Variants in PRUNE2 observed in about 807,000 individuals in gnomAD.
PRUNE2 encodes prune homolog 2 with BCH domain.
A neutral mutation model predicts 252.0 loss-of-function variants in PRUNE2; 164 were observed. The ratio of observed to expected loss-of-function variants is 0.65; its 90% CI spans 0.57 to 0.74. PRUNE2 has a LOEUF of 0.74. Ranked by LOEUF, PRUNE2 falls within the 30% of genes least tolerant of loss-of-function variation. The pLI, the probability that PRUNE2 is intolerant of heterozygous loss-of-function variation, is 0.00. For synonymous variants in PRUNE2, 1,292 were observed against 1,350.2 expected, an observed-to-expected ratio of 0.96 and a Z score of 0.94; for missense variants, 3,495 against 3,711.0, an observed-to-expected ratio of 0.94 and a Z score of 1.51.
intron 9 of PRUNE2, among the ~76,000 whole-genome samples, chr9:76,686,538 C>T (rs192687807): frequency 5.1e-4 from 77 of 152,260 alleles, no homozygotes; most frequent in Non-Finnish European, 9.0e-4. Flanking sequence ...TCACTGCAGC[C>T]GTGACTTCCC....
rs1738062767 is a variant in PRUNE2, at chr9:76,611,923, G to A, written c.*2647C>T. The A allele has an allele frequency of 6.6e-6, 1 of 152,638 alleles. No homozygotes were observed. The highest frequency in any genetic ancestry group is 6.5e-5 in the Admixed American group (1 of 15,282). The allele number at this position is 152,638 out of a possible 1,614,324, so 9.5% of individuals were successfully genotyped here. The stretch of plus-strand genomic sequence containing the variant: ...TTCCCTTAACTACAGATCTATAGGA[G>A]AAATGCAAAGCAGTTCCCAGAAGTC... On this transcript the variant is annotated 3_prime_UTR_variant, in exon 19 of 19. Coordinates refer to ENST00000376718, the MANE Select transcript of PRUNE2 (RefSeq NM_015225.3).
chr9:76,900,618 C>G (rs1039040208), intron 1 of PRUNE2, among the ~76,000 whole-genome samples: 1 of 152,166 alleles, frequency 6.6e-6, no homozygotes. Context: ...TCAGCCCTCC[C>G]CAGTTTCCTT....
At chr9:76,827,097 A>T (rs1251662955) in intron 4 of PRUNE2, among the ~76,000 whole-genome samples, 3 of 152,202 alleles carry the variant, frequency 2.0e-5, no homozygotes, top group Non-Finnish European at 4.4e-5. Flanking sequence ...ACTATTTAAA[A>T]GTCTAATCAG....
At chr9:76,696,291 C>G (rs1220074688) in intron 9 of PRUNE2, among the ~76,000 whole-genome samples, 1 of 152,180 alleles carries the variant, frequency 6.6e-6, no homozygotes, top group African/African-American at 2.4e-5. Context: ...AGGAACATCT[C>G]AGGACAGTTT....
chr9:76,681,837 C>A (rs1389385900), intron 9 of PRUNE2, among the ~76,000 whole-genome samples: 3 of 152,146 alleles, frequency 2.0e-5, no homozygotes, highest in African/African-American at 7.2e-5. Flanking sequence ...TCAGGGAATT[C>A]TTATCAGCTA....
intron 1 of PRUNE2, among the ~76,000 whole-genome samples, chr9:76,900,312 T>A (rs1312172669): frequency 6.6e-6 from 1 of 152,208 alleles, no homozygotes; most frequent in East Asian, 1.9e-4. Flanking sequence ...CAAAGCTGTG[T>A]TTATCAGCTT....
At chr9:76,651,819 T>C (rs1294235513) in intron 11 of PRUNE2, 1 of 152,192 alleles carries the variant, frequency 6.6e-6, no homozygotes, top group Non-Finnish European at 1.5e-5. Context: ...GGATCAAATA[T>C]AAAGTCCTTG....
In PRUNE2 at chr9:76,693,222, T is replaced by C. The variant is rs180962643; in HGVS notation, c.8276+10115A>G. On this transcript the variant is annotated intron_variant, in intron 9 of 18. Coordinates refer to ENST00000376718, the MANE Select transcript of PRUNE2 (RefSeq NM_015225.3). Reference sequence around the variant, plus strand: ...TATTATCAGATAAACCAAAGACTTCTAGCAAAATGTCAATTTGGGAAATAA... The same window carrying C: ...TATTATCAGATAAACCAAAGACTTCCAGCAAAATGTCAATTTGGGAAATAA... 4.3e-3 allele frequency among the ~76,000 whole-genome samples: 656 copies of C among 152,112 alleles called. 4 individuals carry two copies. The highest frequency in any genetic ancestry group is 0.015 in the African/African-American group (626 of 41,446).
intron 6 of PRUNE2, chr9:76,785,910 C>A (rs944209699): frequency 6.6e-6 from 1 of 152,122 alleles, no homozygotes; most frequent in Non-Finnish European, 1.5e-5. Context: ...CATCTGTTAA[C>A]ATAAAAAAAG....
At chr9:76,753,696 C>T (rs917077592) in intron 6 of PRUNE2, among the ~76,000 whole-genome samples, 33 of 151,974 alleles carry the variant, frequency 2.2e-4, no homozygotes, top group Non-Finnish European at 4.4e-4. Context: ...GGGCAGATCA[C>T]GAGGTCAGGA....
intron 1 of PRUNE2, among the ~76,000 whole-genome samples, chr9:76,858,033 A>G (rs1185410532): frequency 6.6e-6 from 1 of 152,200 alleles, no homozygotes; most frequent in East Asian, 1.9e-4. Context: ...GTCCCTTGAT[A>G]CAGTTCAAAT....
At position 76,649,605 on chromosome 9, in the gene PRUNE2, A is replaced by AGAT. The variant is rs762545021; in HGVS notation, c.8557+2875_8557+2877dup. Among the ~76,000 whole-genome samples, 456 of 95,230 alleles carry AGAT rather than the reference A, an allele frequency of 4.8e-3. 4 individuals are homozygous for AGAT. Among genetic ancestry groups the AGAT allele is most frequent in the Non-Finnish European group, 2.9e-3 (132 of 46,062 alleles). The allele number at this position is 95,230 out of a possible 152,430, so 62.5% of individuals were successfully genotyped here. A position where few individuals can be genotyped will look rare whatever the true frequency, so the allele number is the denominator to read the frequency against. ...TGTCTTAAAGTATAGATAGATAGATAGATAGATGATAGATAGATAGATAGA... is the reference window on the plus strand; with the variant it reads ...TGTCTTAAAGTATAGATAGATAGATAGATGATAGATGATAGATAGATAGATAGA... On this transcript the variant is annotated intron_variant, in intron 11 of 18. Coordinates refer to ENST00000376718, the MANE Select transcript of PRUNE2 (RefSeq NM_015225.3).
chr9:76,680,482 T>G (rs1012571900), intron 9 of PRUNE2, among the ~76,000 whole-genome samples: 1 of 152,194 alleles, frequency 6.6e-6, no homozygotes, highest in African/African-American at 2.4e-5. Context: ...AACAGGATGG[T>G]GGATCCTCAA....
chr9:76,836,205 T>G (rs1332365153), intron 4 of PRUNE2, among the ~76,000 whole-genome samples: 1 of 151,478 alleles, frequency 6.6e-6, no homozygotes, highest in African/African-American at 2.4e-5. Context: ...AGCACACATC[T>G]CTGGAGAAAT....
intron 1 of PRUNE2, among the ~76,000 whole-genome samples, chr9:76,883,998 G>A (rs1431895938): frequency 6.6e-6 from 1 of 152,210 alleles, no homozygotes; most frequent in Non-Finnish European, 1.5e-5. Context: ...TTATCACTGA[G>A]AGTGTGTATG....
At chr9:76,872,202 C>T (rs1163176509) in intron 1 of PRUNE2, among the ~76,000 whole-genome samples, 1 of 152,162 alleles carries the variant, frequency 6.6e-6, no homozygotes, top group Non-Finnish European at 1.5e-5. Context: ...GTCACAGGCA[C>T]ATTCAAACCC....
At chr9:76,885,725 C>A (rs2062047334) in intron 1 of PRUNE2, among the ~76,000 whole-genome samples, 1 of 152,152 alleles carries the variant, frequency 6.6e-6, no homozygotes, top group Non-Finnish European at 1.5e-5. Flanking sequence ...GACTCCACCC[C>A]TTCCTGCCTT....
chr9:76,854,017 T>C (rs1409432825), intron 2 of PRUNE2, 87 bp downstream of exon 2: 9 of 613,850 alleles, frequency 1.5e-5, no homozygotes, highest in Non-Finnish European at 2.5e-5. Flanking sequence ...ATTAAGTTAA[T>C]AGGTTCCTTT....
At chr9:76,717,506 A>G (rs1361177052) in intron 6 of PRUNE2, among the ~76,000 whole-genome samples, 2 of 152,146 alleles carry the variant, frequency 1.3e-5, no homozygotes, top group Non-Finnish European at 2.9e-5. Context: ...CTTCTACCTG[A>G]TAAATTACTG....
Sources: gnomAD v4.1 joint callset for allele counts (sites outside exome capture counted in the v4.1 genomes callset) on GRCh38, gnomAD v4.1.1 for gene constraint, MANE v1.5 for transcripts, NCBI Gene and HGNC (gene_info 2026-07-23, HGNC 2026-07-21) for gene names.